The following TRPV2 variants were observed in gnomAD, a reference collection of about 807,000 sequenced individuals.
TRPV2 encodes the protein OTRPC2.
In TRPV2, 58 loss-of-function variants were observed where a neutral mutation model predicts 91.0. The observed-to-expected ratio is 0.64, with a 90% confidence interval of 0.52 to 0.79. The LOEUF (loss-of-function observed/expected upper bound fraction) is 0.79. TRPV2 is among the 30% of genes least tolerant of loss of function. The pLI, the probability that TRPV2 is intolerant of heterozygous loss-of-function variation, is 0.00. For missense variants in TRPV2, 807 were observed against 969.6 expected (o/e 0.83, Z 2.23); for synonymous variants, 417 against 414.8 (o/e 1.01, Z -0.06).
At position 16,433,596 on chromosome 17, in the gene TRPV2, T is replaced by A; in HGVS notation, c.2012T>A (p.Met671Lys). The A allele has an allele frequency of 6.2e-7, 1 of 1,614,136 alleles. No individual in the cohort carries two copies. Among genetic ancestry groups the A allele is most frequent in the Non-Finnish European group, 8.5e-7 (1 of 1,180,022 alleles). Residue 671 changes from methionine (M) to lysine (K), a missense_variant, in exon 13 of 15, where the codon ATG becomes AAG. Coordinates refer to ENST00000338560, the MANE Select transcript of TRPV2 (RefSeq NM_016113.5). ...KLQKAISVLE[M>K]ENGYWWCRKK... ...CAGAAAGCCATCTCTGTCCTGGAGATGGAGAATGGCTATTGGTGGTGCAGG... is the reference window on the plus strand; with the variant it reads ...CAGAAAGCCATCTCTGTCCTGGAGAAGGAGAATGGCTATTGGTGGTGCAGG...
chr17:16,428,243 C>T, intron 8 of TRPV2, 74 bp from the exon 9 acceptor site: 1 of 1,442,024 alleles, frequency 6.9e-7, no homozygotes, highest in Non-Finnish European at 9.7e-7. Flanking sequence ...GTGGCAGGCT[C>T]CCACTCAGCC....
chr17:16,432,758 C>G (rs970315037), intron 12 of TRPV2, among the ~76,000 whole-genome samples: 2 of 151,856 alleles, frequency 1.3e-5, no homozygotes, highest in African/African-American at 4.8e-5. Flanking sequence ...CAAGCAGGTG[C>G]TCAATGTGCT....
rs189607687 is a variant in TRPV2 at position 16,427,522 on chromosome 17, G to C, written c.1325G>C (p.Gly442Ala). 7.4e-6 allele frequency: 12 copies of C among 1,613,256 alleles called. No individual in the cohort carries two copies. In the East Asian group the frequency reaches 1.6e-4, roughly 21 times the overall value. ...LLTGHILILL[G>A]GIYLLVGQLW... ...ACGGGCCACATCCTTATCCTGCTAG[G>C]GGGGATCTACCTCCTCGTGGGCCAG... The change falls in exon 8 of 15, where the codon GGG becomes GCG. Residue 442 changes from glycine to alanine, a missense_variant. Coordinates refer to ENST00000338560, the MANE Select transcript of TRPV2 (RefSeq NM_016113.5).
In TRPV2 at chr17:16,426,824, A is replaced by G; in HGVS notation, c.1198A>G (p.Ile400Val). The change falls in exon 7 of 15, where the codon ATC becomes GTC. Residue 400 changes from isoleucine to valine, a missense_variant. Ile to Val is a conservative substitution (Grantham distance 29). Coordinates refer to ENST00000338560, the MANE Select transcript of TRPV2 (RefSeq NM_016113.5). This position sits in a 1 kb window ranked among gnomAD's most constrained non-coding sequence, Gnocchi z 6.0. ...CTTCTTAAACTTCCTGTGTAATCTG[A>G]TCTACATGTTCATCTTCACCGCTGT... ...KFFLNFLCNL[I>V]YMFIFTAVAY... 6.2e-7 allele frequency: 1 copy of G among 1,613,614 alleles called. No homozygotes were observed. The highest frequency in any genetic ancestry group is 8.5e-7 in the Non-Finnish European group (1 of 1,179,918).
intron 4 of TRPV2, 127 bp downstream of exon 4, chr17:16,423,016 T>A: frequency 8.5e-7 from 1 of 1,178,946 alleles, no homozygotes; most frequent in Non-Finnish European, 1.2e-6. Flanking sequence ...GCCCTGCTTC[T>A]AACCACTAGG....
intron 3 of TRPV2, among the ~76,000 whole-genome samples, chr17:16,422,110 C>G (rs1219687443): frequency 1.3e-5 from 2 of 151,714 alleles, no homozygotes; most frequent in African/African-American, 4.8e-5. Context: ...CGAGACCATC[C>G]TGGCTAACAC....
chr17:16,416,566 G>T (rs116435040), intron 1 of TRPV2: 4,429 of 153,070 alleles, frequency 0.029, 132 homozygotes, highest in African/African-American at 0.073. Context: ...GAGAGCCTGG[G>T]CCACAGGCTA....
intron 3 of TRPV2, among the ~76,000 whole-genome samples, chr17:16,422,038 C>T (rs1436896137): frequency 6.6e-6 from 1 of 151,828 alleles, no homozygotes; most frequent in Non-Finnish European, 1.5e-5. Context: ...GGCGCAGTGG[C>T]TCACGCCTGT....
rs868787803 is a variant in TRPV2, at chr17:16,432,809, T to C, written c.1989+509T>C. On this transcript the variant is annotated intron_variant, in intron 12 of 14. Coordinates refer to ENST00000338560, the MANE Select transcript of TRPV2 (RefSeq NM_016113.5). ...CATCATTGCTGTCCAGTGTTTCTTT[T>C]TTTTTTTTTTTTGAGTCAAGAGTTT... Among the ~76,000 whole-genome samples, 31 of 151,126 alleles carry C rather than the reference T, an allele frequency of 2.1e-4. 1 individual carries two copies. Among genetic ancestry groups the C allele is most frequent in the Admixed American group, 9.2e-4 (14 of 15,188 alleles).
At chr17:16,429,877 T>C (rs959619586) in intron 10 of TRPV2, among the ~76,000 whole-genome samples, 1 of 151,084 alleles carries the variant, frequency 6.6e-6, no homozygotes, top group Non-Finnish European at 1.5e-5. Context: ...TTTTTTTTTT[T>C]CTTTGAGATG....
rs2093336780 is a variant in TRPV2, at chr17:16,417,565, C to G, written c.-104C>G. 1.6e-6 allele frequency: 2 copies of G among 1,257,872 alleles called. No homozygotes were observed. The highest frequency in any genetic ancestry group is 1.3e-5 in the South Asian group (1 of 75,290). 77.9% of individuals were successfully genotyped at this position (1,257,872 alleles called of 1,614,324 possible). ...AACCTAATACCTCCTTTTGCAGGCTCCAGTCAGGCCAACACCGACGCGCAG... is the reference window on the plus strand; with the variant it reads ...AACCTAATACCTCCTTTTGCAGGCTGCAGTCAGGCCAACACCGACGCGCAG... On this transcript the variant is annotated 5_prime_UTR_variant, in exon 2 of 15. Transcript: ENST00000338560.
At chr17:16,431,669 T>A in intron 10 of TRPV2, 115 bp from the exon 11 acceptor site, 1 of 871,346 alleles carries the variant, frequency 1.1e-6, no homozygotes, top group Non-Finnish European at 1.9e-6. Context: ...TGCATATGTA[T>A]GTGTGCGTAT....
At chr17:16,429,957 T>A (rs925516535) in intron 10 of TRPV2, among the ~76,000 whole-genome samples, 1 of 151,750 alleles carries the variant, frequency 6.6e-6, no homozygotes, top group Non-Finnish European at 1.5e-5. Context: ...CCCCTACTCC[T>A]GGGTTCAAGC....
chr17:16,429,012 C>G, intron 10 of TRPV2, 30 bp downstream of exon 10: 1 of 1,612,012 alleles, frequency 6.2e-7, no homozygotes. Context: ...CACCGGGACT[C>G]TTTTGGCCTC....
chr17:16,433,518 C>G, intron 12 of TRPV2, 56 bp from the exon 13 acceptor site: 1 of 1,598,622 alleles, frequency 6.3e-7, no homozygotes, highest in Non-Finnish European at 8.5e-7. Context: ...CCTTGTGTGC[C>G]TTTGCCCCCA....
intron 10 of TRPV2, among the ~76,000 whole-genome samples, chr17:16,429,967 C>T (rs148139369): frequency 1.8e-3 from 279 of 151,894 alleles, no homozygotes; most frequent in African/African-American, 6.6e-3. Flanking sequence ...TGGGTTCAAG[C>T]GATTCTCCTG....
intron 10 of TRPV2, among the ~76,000 whole-genome samples, chr17:16,430,836 C>T (rs949864209): frequency 2.6e-5 from 4 of 151,676 alleles, no homozygotes; most frequent in Admixed American, 6.6e-5. Flanking sequence ...AGATACACCA[C>T]ATTTTGTGCG....
At chr17:16,431,281 ATATATACATATTT>A (rs1392687985) in intron 10 of TRPV2, among the ~76,000 whole-genome samples, 2 of 59,460 alleles carry the variant, frequency 3.4e-5, no homozygotes, top group African/African-American at 1.3e-4. Flanking sequence ...ATATATATAT[ATATATACATATTT>A]TTTTTTTTTT....
chr17:16,431,777 G>T lies in TRPV2; in HGVS notation c.1588-7G>T, dbSNP rs775830499. 6.2e-7 allele frequency: 1 copy of T among 1,614,098 alleles called. No individual in the cohort carries two copies. Among genetic ancestry groups the T allele is most frequent in the South Asian group, 1.1e-5 (1 of 91,088 alleles). ...CCCACCCTGGCCCCTGGGCACATGT[G>T]TTCCAGGTCATCCTGCGGGACCTGC... On this transcript the variant is annotated splice_region_variant and splice_polypyrimidine_tract_variant and intron_variant, in intron 10 of 14. Coordinates refer to ENST00000338560, the MANE Select transcript of TRPV2 (RefSeq NM_016113.5).
Sources: gnomAD v4.1 joint callset for allele counts (sites outside exome capture counted in the v4.1 genomes callset) on GRCh38, gnomAD v4.1.1 for gene constraint, Gnocchi (gnomAD v3.1) non-coding constraint, MANE v1.5 for transcripts, NCBI Gene and HGNC (gene_info 2026-07-23, HGNC 2026-07-21) for gene names.